The following SLC2A13 variants were observed in gnomAD, a reference collection of about 807,000 sequenced individuals.
SLC2A13 encodes the protein proton myo-inositol cotransporter.
Under a neutral mutation model 64.4 loss-of-function variants are expected in SLC2A13, and 32 were observed. The ratio of observed to expected loss-of-function variants is 0.50; its 90% CI spans 0.37 to 0.67. The LOEUF (loss-of-function observed/expected upper bound fraction) is 0.67. Among genes scored for constraint, SLC2A13 ranks in the 30% least tolerant of loss-of-function variants. The pLI is 0.00. For synonymous variants in SLC2A13, 338 were observed against 327.1 expected (o/e 1.03, Z -0.36); for missense variants, 743 against 829.2 (o/e 0.90, Z 1.28).
At chr12:40,043,403 G>A (rs552764162) in intron 2 of SLC2A13, among the ~76,000 whole-genome samples, 39 of 152,172 alleles carry the variant, frequency 2.6e-4, no homozygotes, top group Non-Finnish European at 4.3e-4. Context: ...ACTGAGGCAG[G>A]TGGCTCACTT....
chr12:39,893,083 T>C (rs572232899), intron 4 of SLC2A13, among the ~76,000 whole-genome samples: 2 of 152,184 alleles, frequency 1.3e-5, no homozygotes, highest in Non-Finnish European at 2.9e-5. Context: ...TATTTGCATA[T>C]TTCCTATTGA....
intron 2 of SLC2A13, among the ~76,000 whole-genome samples, chr12:40,036,576 GCTT>G (rs1947988837): frequency 6.6e-6 from 1 of 152,108 alleles, no homozygotes; most frequent in Admixed American, 6.5e-5. Flanking sequence ...TTTGTGTCTA[GCTT>G]CTTTTAATCA....
At chr12:39,883,159 TATA>T (rs1944385718) in intron 4 of SLC2A13, among the ~76,000 whole-genome samples, 1 of 152,156 alleles carries the variant, frequency 6.6e-6, no homozygotes, top group Non-Finnish European at 1.5e-5. Context: ...CTTTAATAAT[TATA>T]ATAAGTAACG....
intron 3 of SLC2A13, among the ~76,000 whole-genome samples, chr12:40,014,290 G>A (rs562136433): frequency 6.6e-6 from 1 of 152,262 alleles, no homozygotes; most frequent in Admixed American, 6.5e-5. Context: ...TCTAACATTT[G>A]TGGAGATCTC....
rs966537507 is a variant in SLC2A13, at chr12:39,820,130, GA to G, written c.1445+9972del. Among the ~76,000 whole-genome samples, 21 of 151,242 alleles carry G rather than the reference GA, an allele frequency of 1.4e-4. 1 individual carries two copies. In the South Asian group the frequency reaches 2.5e-3, roughly 18 times the overall value. ...TTTACCAAATAAATGACAACAAAAAGAAAAAAAATGTAATTTTTGGAGGGTT... is the reference window on the plus strand; with the variant it reads ...TTTACCAAATAAATGACAACAAAAAGAAAAAAATGTAATTTTTGGAGGGTT... On this transcript the variant is annotated intron_variant, in intron 7 of 9. Transcript: ENST00000280871.
chr12:39,918,851 CAAAAAA>C (rs10589116), intron 4 of SLC2A13, among the ~76,000 whole-genome samples: 1 of 123,896 alleles, frequency 8.1e-6, no homozygotes, highest in African/African-American at 2.9e-5. Context: ...GACTCTGTCT[CAAAAAA>C]AAAAAAAAAG....
In SLC2A13 at chr12:39,802,839, T is replaced by C. The variant is rs373396084; in HGVS notation, c.1445+27264A>G. On this transcript the variant is annotated intron_variant, in intron 7 of 9. Transcript: ENST00000280871. ...ATAACCACAGGCCAAAAATATTATA[T>C]CAGATTGAGATTTCAATGAATAATC... is the stretch of plus-strand genomic sequence containing the variant. Among the ~76,000 whole-genome samples the C allele has an allele frequency of 7.9e-5, 12 of 152,140 alleles. No individual in the cohort carries two copies. The East Asian group carries it at 1.2e-3, about 15-fold the overall frequency.
chr12:39,793,534 A>C (rs1029718542), intron 7 of SLC2A13, among the ~76,000 whole-genome samples: 1 of 152,158 alleles, frequency 6.6e-6, no homozygotes, highest in Non-Finnish European at 1.5e-5. Flanking sequence ...GAGTGGGGGT[A>C]CTTGTATAGT....
intron 4 of SLC2A13, among the ~76,000 whole-genome samples, chr12:39,926,692 T>A (rs769614447): frequency 5.3e-5 from 8 of 152,180 alleles, no homozygotes; most frequent in Non-Finnish European, 1.0e-4. Flanking sequence ...CATAGCTCAA[T>A]GAAGCCCTGA....
At chr12:39,946,453 C>A (rs919112147) in intron 4 of SLC2A13, among the ~76,000 whole-genome samples, 3 of 152,174 alleles carry the variant, frequency 2.0e-5, no homozygotes, top group Admixed American at 6.5e-5. Flanking sequence ...TCTTCCACTA[C>A]CAGGATGGAT....
At chr12:39,766,463 G>T (rs1236424176) in intron 7 of SLC2A13, among the ~76,000 whole-genome samples, 1 of 152,056 alleles carries the variant, frequency 6.6e-6, no homozygotes, top group Non-Finnish European at 1.5e-5. Flanking sequence ...CTTTTTGGTG[G>T]AGGGTCTTGC....
Position 39,760,011 on chromosome 12 carries a change from A to G in SLC2A13, c.*15T>C, listed in dbSNP as rs771458764. ...CCAGTTTGTTTAAATAACTAAATAT[A>G]TGAGCAGCTGAAAATTATTCCACAT... On this transcript the variant is annotated 3_prime_UTR_variant, in exon 10 of 10. Coordinates refer to ENST00000280871, the MANE Select transcript of SLC2A13 (RefSeq NM_052885.4). The G allele has an allele frequency of 1.9e-6, 3 of 1,596,576 alleles. No homozygotes were observed. The highest frequency in any genetic ancestry group is 2.6e-6 in the Non-Finnish European group (3 of 1,165,238).
chr12:39,911,377 G>T (rs1945426607), intron 4 of SLC2A13, among the ~76,000 whole-genome samples: 1 of 152,044 alleles, frequency 6.6e-6, no homozygotes, highest in South Asian at 2.1e-4. Flanking sequence ...GTCACTAAAT[G>T]TAACGATTGT....
chr12:40,010,318 T>C (rs1278628326), intron 3 of SLC2A13, among the ~76,000 whole-genome samples: 1 of 152,180 alleles, frequency 6.6e-6, no homozygotes, highest in African/African-American at 2.4e-5. Context: ...ATAAAGGTAA[T>C]AGACGCCCTG....
intron 7 of SLC2A13, among the ~76,000 whole-genome samples, chr12:39,807,897 T>C (rs1291339677): frequency 6.6e-6 from 1 of 151,700 alleles, no homozygotes; most frequent in East Asian, 1.9e-4. Context: ...AGAATTAGTC[T>C]GCCCTTTGAA....
At chr12:40,101,199 A>G (rs1939137868) in intron 1 of SLC2A13, among the ~76,000 whole-genome samples, 1 of 152,102 alleles carries the variant, frequency 6.6e-6, no homozygotes, top group South Asian at 2.1e-4. Flanking sequence ...AAAAGAAAAG[A>G]AAACCCAAAA....
intron 4 of SLC2A13, among the ~76,000 whole-genome samples, chr12:39,910,777 A>C (rs1945410323): frequency 6.6e-6 from 1 of 152,028 alleles, no homozygotes; most frequent in African/African-American, 2.4e-5. Flanking sequence ...ACATGGCTAA[A>C]ATTTTAAATT....
intron 2 of SLC2A13, among the ~76,000 whole-genome samples, chr12:40,045,706 C>T (rs1948160698): frequency 6.6e-6 from 1 of 152,058 alleles, no homozygotes. Flanking sequence ...TTTTCCCATA[C>T]TCTTATTTTA....
intron 3 of SLC2A13, among the ~76,000 whole-genome samples, chr12:40,022,750 A>C (rs1947741347): frequency 6.6e-6 from 1 of 152,116 alleles, no homozygotes. Context: ...AGGCAGGGGA[A>C]TCACTTGAAC....
Sources: gnomAD v4.1 joint callset for allele counts (sites outside exome capture counted in the v4.1 genomes callset) on GRCh38, gnomAD v4.1.1 for gene constraint, MANE v1.5 for transcripts, NCBI Gene and HGNC (gene_info 2026-07-23, HGNC 2026-07-21) for gene names.